LAMA2: variants seen among roughly 807,000 people sequenced by gnomAD.
LAMA2 encodes laminin subunit alpha 2, also known as laminin subunit alpha-2.
LAMA2 carries 269 observed loss-of-function variants against 364.8 expected under a neutral mutation model. The observed-to-expected ratio is 0.74, with a 90% CI of 0.67 to 0.82. The LOEUF (loss-of-function observed/expected upper bound fraction) is 0.82. Ranked by LOEUF, LAMA2 falls within the 40% of genes least tolerant of loss-of-function variation. LAMA2 has a pLI of 0.00. For synonymous variants in LAMA2, 1,379 were observed against 1,370.6 expected, an observed-to-expected ratio of 1.01 and a Z score of -0.14; for missense variants, 3,807 against 3,873.2, an observed-to-expected ratio of 0.98 and a Z score of 0.45.
chr6:129,496,048 A>T (rs920084282), intron 58 of LAMA2, among the ~76,000 whole-genome samples: 1 of 152,178 alleles, frequency 6.6e-6, no homozygotes, highest in Non-Finnish European at 1.5e-5. Flanking sequence ...GCACATGAGG[A>T]AAGAAAGCCC....
chr6:129,159,019 C>T (rs1413807235), intron 8 of LAMA2: 6 of 1,582,770 alleles, frequency 3.8e-6, no homozygotes, highest in Non-Finnish European at 5.2e-6. Flanking sequence ...CTGATTTCAT[C>T]CCAGTGCCGT....
intron 34 of LAMA2, among the ~76,000 whole-genome samples, chr6:129,376,486 G>A (rs1778382773): frequency 6.6e-6 from 1 of 152,190 alleles, no homozygotes; most frequent in African/African-American, 2.4e-5. Flanking sequence ...ATGTGAATAC[G>A]TCATCGCAGT....
intron 43 of LAMA2, 21 bp downstream of exon 43, chr6:129,441,019 G>A: frequency 6.3e-7 from 1 of 1,597,642 alleles, no homozygotes; most frequent in Non-Finnish European, 8.6e-7. Flanking sequence ...CTTTTTCATT[G>A]TGATGATGTC....
rs1562512822 is a variant in LAMA2, at chr6:129,383,149, CAG to C, written c.4989_4990del (p.Gln1663HisfsTer6). On this transcript the variant is annotated frameshift_variant, in exon 35 of 65. Coordinates refer to ENST00000421865, the MANE Select transcript of LAMA2 (RefSeq NM_000426.4). LOFTEE classifies it high-confidence loss of function. Reference sequence around the variant, plus strand: ...TACCAAAGTGACAGCAGATGGCGAGCAGACCGGACAGGATGCTGAGAGGACCA... The same window carrying C: ...TACCAAAGTGACAGCAGATGGCGAGCACCGGACAGGATGCTGAGAGGACCA... The part of the protein sequence containing the change: ...RATKVTADGE[Q>X]TGQDAERTNT... 6.2e-7 allele frequency: 1 copy of C among 1,613,804 alleles called. No homozygotes were observed. Among genetic ancestry groups the C allele is most frequent in the Non-Finnish European group, 8.5e-7 (1 of 1,179,880 alleles).
intron 4 of LAMA2, among the ~76,000 whole-genome samples, chr6:129,105,676 G>A (rs538927203): frequency 1.3e-5 from 2 of 152,252 alleles, no homozygotes; most frequent in East Asian, 1.9e-4. Context: ...CAACAAATGT[G>A]ATAGGTTTTG....
chr6:129,451,413 G>T (rs1412038701), intron 45 of LAMA2, among the ~76,000 whole-genome samples: 1 of 152,148 alleles, frequency 6.6e-6, no homozygotes, highest in Non-Finnish European at 1.5e-5. Context: ...ACCTTTTTGG[G>T]GAAGGCAAGA....
At chr6:129,142,032 G>A (rs1356019899) in intron 4 of LAMA2, among the ~76,000 whole-genome samples, 3 of 152,002 alleles carry the variant, frequency 2.0e-5, no homozygotes, top group Admixed American at 1.3e-4. Flanking sequence ...CTTCCTATCT[G>A]TATGTTGAGA....
chr6:129,293,008 G>A (rs1403646406), intron 20 of LAMA2: 3 of 985,782 alleles, frequency 3.0e-6, no homozygotes, highest in Non-Finnish European at 3.6e-6. Flanking sequence ...TCTCCTCAGA[G>A]GTGGGCTATC....
At chr6:128,896,980 C>G (rs1776814208) in intron 1 of LAMA2, among the ~76,000 whole-genome samples, 1 of 152,190 alleles carries the variant, frequency 6.6e-6, no homozygotes, top group Non-Finnish European at 1.5e-5. Flanking sequence ...TGTCTCATGC[C>G]TTAATTTATC....
chr6:129,277,473 G>T (rs562892022), intron 17 of LAMA2, among the ~76,000 whole-genome samples: 1 of 152,124 alleles, frequency 6.6e-6, no homozygotes, highest in Admixed American at 6.6e-5. Context: ...GAATATCAAA[G>T]CACAAATACA....
intron 40 of LAMA2, among the ~76,000 whole-genome samples, chr6:129,420,770 A>G (rs1336784362): frequency 6.6e-6 from 1 of 152,168 alleles, no homozygotes; most frequent in Non-Finnish European, 1.5e-5. Context: ...GCTTGTTTAG[A>G]AAATCACTGG....
At chr6:129,277,289 C>T (rs1421639849) in intron 17 of LAMA2, among the ~76,000 whole-genome samples, 3 of 152,120 alleles carry the variant, frequency 2.0e-5, no homozygotes, top group Non-Finnish European at 4.4e-5. Context: ...ATGTCTTGGC[C>T]AAAATTAGTG....
Position 129,440,974 on chromosome 6 carries a change from G to A in LAMA2, c.6244G>A (p.Val2082Met), listed in dbSNP as rs774039475. The change falls in exon 43 of 65, where the codon GTG becomes ATG. Residue 2082 changes from valine to methionine, a missense_variant. Val to Met is a conservative substitution (Grantham distance 21). This residue lies in a region of LAMA2 where 3,333 missense variants were observed against 3,345.7 expected (regional missense o/e 1.00). Coordinates refer to ENST00000421865, the MANE Select transcript of LAMA2 (RefSeq NM_000426.4). Reference protein sequence around the residue: ...LADSVAKTNAVVKDPSKNKII... With the variant: ...LADSVAKTNAMVKDPSKNKII... ...AGACAGCGTCGCCAAAACGAATGCT[G>A]TGGTTAAAGATCCTTCCAAGAACAG... 3.1e-6 allele frequency: 5 copies of A among 1,613,596 alleles called. No individual in the cohort carries two copies. The highest frequency in any genetic ancestry group is 4.5e-5 in the East Asian group (2 of 44,846).
chr6:129,028,552 T>G (rs1582898683), intron 1 of LAMA2, among the ~76,000 whole-genome samples: 1 of 151,950 alleles, frequency 6.6e-6, no homozygotes, highest in East Asian at 1.9e-4. Context: ...AAAGTAATAA[T>G]CTACCAGGCA....
intron 4 of LAMA2, among the ~76,000 whole-genome samples, chr6:129,111,131 C>T (rs369322492): frequency 6.6e-6 from 1 of 151,932 alleles, no homozygotes; most frequent in South Asian, 2.1e-4. Flanking sequence ...ATATCAGGAG[C>T]TGCTTTACTA....
At chr6:129,035,247 A>AT (rs1302721669) in intron 1 of LAMA2, among the ~76,000 whole-genome samples, 20 of 142,438 alleles carry the variant, frequency 1.4e-4, no homozygotes, top group African/African-American at 7.7e-5. Context: ...GATACTGAGC[A>AT]TTTTTTCATT....
intron 1 of LAMA2, among the ~76,000 whole-genome samples, chr6:128,945,026 G>T (rs2114552864): frequency 6.6e-6 from 1 of 152,252 alleles, no homozygotes; most frequent in East Asian, 1.9e-4. Context: ...AGAAAGAGTG[G>T]AGGTAGCTCT....
chr6:129,331,434 A>T (rs1238415495), intron 29 of LAMA2, among the ~76,000 whole-genome samples: 1 of 151,936 alleles, frequency 6.6e-6, no homozygotes. Context: ...TATTTCATTG[A>T]GAATTTAGAA....
intron 44 of LAMA2, among the ~76,000 whole-genome samples, chr6:129,444,688 C>T (rs1276663726): frequency 6.6e-6 from 1 of 152,154 alleles, no homozygotes; most frequent in Non-Finnish European, 1.5e-5. Flanking sequence ...ACATGTGATT[C>T]GTTCCTGAGG....
Sources: gnomAD v4.1 joint callset for allele counts (sites outside exome capture counted in the v4.1 genomes callset) on GRCh38, gnomAD v4.1.1 for gene constraint, gnomAD v4.1.1 regional missense constraint, MANE v1.5 for transcripts, NCBI Gene and HGNC (gene_info 2026-07-23, HGNC 2026-07-21) for gene names.